DGKI: variants seen among roughly 807,000 people sequenced by gnomAD.
DGKI encodes the protein DAG kinase iota.
In DGKI, 55 loss-of-function variants were observed where a neutral mutation model predicts 147.5. The observed-to-expected ratio is 0.37, with a 90% CI of 0.30 to 0.47. The LOEUF (loss-of-function observed/expected upper bound fraction) is 0.47. Among genes scored for constraint, DGKI ranks in the 20% least tolerant of loss-of-function variants. The pLI, the probability that DGKI is intolerant of heterozygous loss-of-function variation, is 1.00. For missense variants in DGKI, 1,007 were observed against 1,323.8 expected, an observed-to-expected ratio of 0.76 and a Z score of 3.71; for synonymous variants, 469 against 477.1, an observed-to-expected ratio of 0.98 and a Z score of 0.22.
chr7:137,560,773 G>C (rs1818393938), intron 19 of DGKI, among the ~76,000 whole-genome samples: 1 of 152,154 alleles, frequency 6.6e-6, no homozygotes, highest in African/African-American at 2.4e-5. Context: ...CAAAGAATGT[G>C]GGCAGCCTCC....
At chr7:137,522,022 A>G (rs1816979501) in intron 20 of DGKI, 56 bp from the exon 21 acceptor site, 4 of 1,308,076 alleles carry the variant, frequency 3.1e-6, no homozygotes, top group Non-Finnish European at 4.4e-6. Context: ...ATTGGTAGCC[A>G]TGCACCTGAA....
chr7:137,483,560 C>T (rs957434241), intron 23 of DGKI, among the ~76,000 whole-genome samples: 30 of 152,056 alleles, frequency 2.0e-4, no homozygotes, highest in African/African-American at 7.2e-4. Flanking sequence ...GGTATTAAAA[C>T]CAGCATGTAT....
At chr7:137,626,373 G>T (rs1359478022) in intron 6 of DGKI, among the ~76,000 whole-genome samples, 1 of 150,194 alleles carries the variant, frequency 6.7e-6, no homozygotes, top group Admixed American at 6.6e-5. Context: ...ACGGACTTAA[G>T]TGCTGAATTT....
intron 19 of DGKI, among the ~76,000 whole-genome samples, chr7:137,559,978 G>A (rs1818363314): frequency 6.6e-6 from 1 of 152,184 alleles, no homozygotes; most frequent in African/African-American, 2.4e-5. Context: ...TACTGGTCCA[G>A]TAGAATTCGT....
intron 12 of DGKI, among the ~76,000 whole-genome samples, chr7:137,596,514 T>G (rs1343059372): frequency 6.6e-6 from 1 of 152,160 alleles, no homozygotes; most frequent in Non-Finnish European, 1.5e-5. Flanking sequence ...CCTAGAACAC[T>G]AAAATCAATT....
intron 21 of DGKI, among the ~76,000 whole-genome samples, chr7:137,500,137 G>T (rs981401767): frequency 1.3e-5 from 2 of 152,146 alleles, no homozygotes; most frequent in African/African-American, 4.8e-5. Flanking sequence ...ATTTACTGGT[G>T]ATATTAAGCC....
chr7:137,615,163 G>A (rs1341864539), intron 8 of DGKI, among the ~76,000 whole-genome samples: 1 of 151,942 alleles, frequency 6.6e-6, no homozygotes, highest in Admixed American at 6.6e-5. Context: ...AACCTGTCTG[G>A]CCCCTTCCTC....
At chr7:137,552,742 C>G (rs1818091144) in intron 19 of DGKI, among the ~76,000 whole-genome samples, 174 bp from the exon 20 acceptor site, 1 of 133,810 alleles carries the variant, frequency 7.5e-6, no homozygotes, top group Admixed American at 7.7e-5. Flanking sequence ...GACCCGGTCT[C>G]TACTAAAAAT....
At chr7:137,507,259 C>T (rs2128945663) in intron 21 of DGKI, among the ~76,000 whole-genome samples, 1 of 152,326 alleles carries the variant, frequency 6.6e-6, no homozygotes, top group Admixed American at 6.5e-5. Flanking sequence ...TTTGGATTCC[C>T]TAGCTTGAGC....
chr7:137,710,942 T>C (rs1252709956), intron 1 of DGKI, among the ~76,000 whole-genome samples: 1 of 152,074 alleles, frequency 6.6e-6, no homozygotes, highest in Non-Finnish European at 1.5e-5. Context: ...GAACAGGTAG[T>C]TTACAAAAGG....
rs1010641696 is a variant in DGKI at position 137,383,579 on chromosome 7, T to G, written c.*7641A>C. 10 of 151,986 alleles carry G rather than the reference T, an allele frequency of 6.6e-5. No homozygotes were observed. The highest frequency in any genetic ancestry group is 2.2e-4 in the African/African-American group (9 of 41,408). 9.4% of individuals were successfully genotyped at this position (151,986 alleles called of 1,614,324 possible). ...ATCTCTCACAATTAAAGATATGCCT[T>G]TGATCTCTGAGTTAGTTGTTCAATC... On this transcript the variant is annotated 3_prime_UTR_variant, in exon 33 of 33. Transcript: ENST00000614521.
At chr7:137,689,357 C>T (rs1823528077) in intron 2 of DGKI, among the ~76,000 whole-genome samples, 1 of 152,146 alleles carries the variant, frequency 6.6e-6, no homozygotes, top group South Asian at 2.1e-4. Flanking sequence ...ATCTTCAAGT[C>T]AAGTTAATAG....
Position 137,600,198 on chromosome 7 carries a change from G to A in DGKI, c.1168-293C>T, listed in dbSNP as rs550844816. On this transcript the variant is annotated intron_variant, in intron 10 of 32. Transcript: ENST00000614521. ...GAGGAGGCGGAGTGTGCAGTGAGCCGAGATCACACCATTGCACTCCAGCCT... is the reference window on the plus strand; with the variant it reads ...GAGGAGGCGGAGTGTGCAGTGAGCCAAGATCACACCATTGCACTCCAGCCT... Among the ~76,000 whole-genome samples the A allele has an allele frequency of 6.1e-4, 92 of 151,472 alleles. 1 individual carries two copies. In the South Asian group the frequency reaches 7.6e-3, roughly 12 times the overall value.
chr7:137,626,288 AG>A (rs1820937465), intron 6 of DGKI, among the ~76,000 whole-genome samples: 1 of 151,568 alleles, frequency 6.6e-6, no homozygotes, highest in Non-Finnish European at 1.5e-5. Context: ...TGTCAATGAC[AG>A]TATCTTTTCC....
chr7:137,627,483 C>G (rs769247746), intron 6 of DGKI, among the ~76,000 whole-genome samples: 1 of 152,184 alleles, frequency 6.6e-6, no homozygotes, highest in Admixed American at 6.5e-5. Context: ...ACAAACTTCA[C>G]GCTATCCAGA....
intron 23 of DGKI, among the ~76,000 whole-genome samples, chr7:137,477,352 A>T (rs1333055757): frequency 6.6e-6 from 1 of 152,196 alleles, no homozygotes; most frequent in African/African-American, 2.4e-5. Flanking sequence ...AAATATAGCC[A>T]ATCTTAATAT....
At chr7:137,671,679 C>T (rs1822847654) in intron 3 of DGKI, among the ~76,000 whole-genome samples, 1 of 152,220 alleles carries the variant, frequency 6.6e-6, no homozygotes. Context: ...CTTTTTGTCT[C>T]TGGATCTGTG....
At chr7:137,569,668 G>A (rs1201310041) in intron 19 of DGKI, among the ~76,000 whole-genome samples, 1 of 134,328 alleles carries the variant, frequency 7.4e-6, no homozygotes, top group Non-Finnish European at 1.6e-5. Flanking sequence ...GGTAGAGCTT[G>A]CAGTGAGCCG....
intron 1 of DGKI, among the ~76,000 whole-genome samples, chr7:137,697,467 A>G (rs1392467238): frequency 6.6e-6 from 1 of 152,240 alleles, no homozygotes; most frequent in Non-Finnish European, 1.5e-5. Context: ...TAAGAAATTG[A>G]GATTGATAAA....
Sources: allele counts gnomAD v4.1 joint callset (sites outside exome capture counted in the v4.1 genomes callset), GRCh38; gene constraint gnomAD v4.1.1; transcripts MANE v1.5; gene names NCBI Gene and HGNC (gene_info 2026-07-23, HGNC 2026-07-21).